The following PLCE1 variants were observed in gnomAD, a reference collection of about 807,000 sequenced individuals.
PLCE1 encodes phospholipase C epsilon 1, also known as 1-phosphatidylinositol 4,5-bisphosphate phosphodiesterase epsilon-1.
Under a neutral mutation model 242.8 loss-of-function variants are expected in PLCE1, and 119 were observed. The observed-to-expected ratio is 0.49, with a 90% CI of 0.42 to 0.57. The LOEUF (loss-of-function observed/expected upper bound fraction) is 0.57, where lower values mean the gene tolerates loss of function less well. Ranked by LOEUF, PLCE1 falls within the 20% of genes least tolerant of loss-of-function variation. The pLI, the probability that PLCE1 is intolerant of heterozygous loss-of-function variation, is 0.00. For synonymous variants in PLCE1, 945 were observed against 1,017.4 expected (o/e 0.93, Z 1.35); for missense variants, 2,441 against 2,788.8 (o/e 0.88, Z 2.81).
chr10:94,281,959 G>A (rs2052247406), intron 20 of PLCE1, among the ~76,000 whole-genome samples: 1 of 151,748 alleles, frequency 6.6e-6, no homozygotes, highest in Admixed American at 6.6e-5. Context: ...GCTGTGGGAA[G>A]CACCGTTACC....
intron 9 of PLCE1, 71 bp downstream of exon 9, chr10:94,252,569 A>C: frequency 1.5e-6 from 2 of 1,306,926 alleles, no homozygotes; most frequent in Non-Finnish European, 2.2e-6. Flanking sequence ...CATCACCATA[A>C]AACACTTAAG....
intron 2 of PLCE1, chr10:94,107,974 T>C (rs949095920): frequency 6.6e-6 from 1 of 152,244 alleles, no homozygotes; most frequent in South Asian, 2.1e-4. Context: ...AGCCGTGGGC[T>C]GGATGGACTG....
intron 1 of PLCE1, among the ~76,000 whole-genome samples, chr10:94,026,608 G>A (rs1324497851): frequency 6.6e-6 from 1 of 152,160 alleles, no homozygotes; most frequent in Non-Finnish European, 1.5e-5. Flanking sequence ...CTGACCAAGA[G>A]TGAGTAAATA....
rs139825096 is a variant in PLCE1 at position 94,260,056 on chromosome 10, C to A, written c.3814+906C>A. On this transcript the variant is annotated intron_variant, in intron 13 of 32. Coordinates refer to ENST00000371380, the MANE Select transcript of PLCE1 (RefSeq NM_016341.4). ...CCACAACATGGAATTGTGGGAGCTA[C>A]AATTCAAGATGAAATTTGGGTGGGG... 6.3e-3 allele frequency among the ~76,000 whole-genome samples: 959 copies of A among 152,270 alleles called. 16 individuals carry two copies. The highest frequency in any genetic ancestry group is 0.022 in the African/African-American group (912 of 41,562).
chr10:94,296,365 CAA>C (rs35526010), intron 23 of PLCE1, among the ~76,000 whole-genome samples: 116 of 89,238 alleles, frequency 1.3e-3, no homozygotes, highest in African/African-American at 3.2e-3. Context: ...GACTCCATCT[CAA>C]AAAAAAAAAA....
Position 94,259,147 on chromosome 10 carries a change from C to T in PLCE1, c.3811C>T (p.Leu1271=). Residue 1271 remains leucine, a synonymous_variant, in exon 13 of 33, where the codon CTA becomes TTA. Transcript: ENST00000371380. The part of the protein sequence containing the change: ...DENTSDLQPD[L]DLLTRNVSDL... ...AAACACCAGCGATCTTCAGCCTGACCTAGGTTTGTTGAACATTTTAGGATT... is the reference window on the plus strand; with the variant it reads ...AAACACCAGCGATCTTCAGCCTGACTTAGGTTTGTTGAACATTTTAGGATT... 6.2e-7 allele frequency: 1 copy of T among 1,614,126 alleles called. No homozygotes were observed. The highest frequency in any genetic ancestry group is 8.5e-7 in the Non-Finnish European group (1 of 1,179,978).
At chr10:94,080,467 C>T (rs2044624124) in intron 2 of PLCE1, among the ~76,000 whole-genome samples, 1 of 152,144 alleles carries the variant, frequency 6.6e-6, no homozygotes, top group African/African-American at 2.4e-5. Context: ...TGCTATTAGC[C>T]CAGGGACCAA....
chr10:94,024,123 G>T (rs1001360486), intron 1 of PLCE1, among the ~76,000 whole-genome samples: 1 of 152,168 alleles, frequency 6.6e-6, no homozygotes, highest in Non-Finnish European at 1.5e-5. Context: ...TGCACCGTGT[G>T]CACGTGATAA....
At chr10:94,293,186 G>A (rs1164510959) in intron 22 of PLCE1, among the ~76,000 whole-genome samples, 1 of 152,296 alleles carries the variant, frequency 6.6e-6, no homozygotes, top group Non-Finnish European at 1.5e-5. Flanking sequence ...ATTAGCCACT[G>A]ATCATTTCTG....
At chr10:94,098,153 ACT>A (rs1226858449) in intron 2 of PLCE1, among the ~76,000 whole-genome samples, 1 of 152,046 alleles carries the variant, frequency 6.6e-6, no homozygotes, top group African/African-American at 2.4e-5. Flanking sequence ...AGGAGACTGA[ACT>A]CTCGTGGAAG....
intron 5 of PLCE1, among the ~76,000 whole-genome samples, chr10:94,229,708 C>T (rs2050078534): frequency 6.6e-6 from 1 of 152,118 alleles, no homozygotes. Flanking sequence ...TCCAAGAAGA[C>T]CATAGAACCT....
chr10:94,035,157 G>A (rs77011509), intron 2 of PLCE1, among the ~76,000 whole-genome samples: 1 of 152,174 alleles, frequency 6.6e-6, no homozygotes, highest in Non-Finnish European at 1.5e-5. Flanking sequence ...TGTCATCTTA[G>A]TTAAAAATGC....
At chr10:94,223,296 C>A (rs11187820) in intron 4 of PLCE1, among the ~76,000 whole-genome samples, 62,555 of 148,954 alleles carry the variant, frequency 0.42, 13,882 homozygotes, top group East Asian at 0.62. Context: ...GAAGGAACAA[C>A]CAGTTCAAGA....
At chr10:94,131,944 T>C (rs578188000) in intron 2 of PLCE1, among the ~76,000 whole-genome samples, 2 of 152,306 alleles carry the variant, frequency 1.3e-5, no homozygotes, top group East Asian at 1.9e-4. Flanking sequence ...AGTTCTCTGT[T>C]TGATAGCAGA....
intron 6 of PLCE1, among the ~76,000 whole-genome samples, chr10:94,235,062 TCACACACACACA>T (rs3222767): frequency 1.7e-3 from 227 of 135,540 alleles, no homozygotes; most frequent in Admixed American, 4.3e-3. Flanking sequence ...TACTGACCTT[TCACACACACACA>T]CACACACACA....
intron 22 of PLCE1, among the ~76,000 whole-genome samples, chr10:94,291,332 A>T (rs933680880): frequency 6.6e-6 from 1 of 152,096 alleles, no homozygotes; most frequent in East Asian, 1.9e-4. Flanking sequence ...CTTCTGCTCA[A>T]ACTTCCATCT....
At chr10:94,036,229 TC>T (rs2061660662) in intron 2 of PLCE1, among the ~76,000 whole-genome samples, 1 of 152,198 alleles carries the variant, frequency 6.6e-6, no homozygotes, top group South Asian at 2.1e-4. Flanking sequence ...GCTGCTCTGC[TC>T]ACTCTGGCCA....
chr10:94,307,355 G>A (rs1182168651), intron 26 of PLCE1, among the ~76,000 whole-genome samples: 2 of 152,070 alleles, frequency 1.3e-5, no homozygotes, highest in African/African-American at 4.8e-5. Flanking sequence ...TCTCCTTTGA[G>A]CACCAATATT....
intron 1 of PLCE1, among the ~76,000 whole-genome samples, chr10:94,026,501 A>T (rs1028169427): frequency 1.3e-5 from 2 of 152,112 alleles, no homozygotes; most frequent in Non-Finnish European, 2.9e-5. Context: ...TATGTTCTTC[A>T]TTCAGTGCTT....
Sources: gnomAD v4.1 joint callset for allele counts (sites outside exome capture counted in the v4.1 genomes callset) on GRCh38, gnomAD v4.1.1 for gene constraint, MANE v1.5 for transcripts, NCBI Gene and HGNC (gene_info 2026-07-23, HGNC 2026-07-21) for gene names.